FMR1NB: variants seen among roughly 807,000 people sequenced by gnomAD.
The protein encoded by FMR1NB is FMR1 neighbor protein.
Under a neutral mutation model 16.8 loss-of-function variants are expected in FMR1NB, and 10 were observed. The ratio of observed to expected loss-of-function variants is 0.60; its 90% CI spans 0.37 to 1.01. FMR1NB has a LOEUF of 1.01. Ranked by LOEUF, FMR1NB falls within the 50% of genes least tolerant of loss-of-function variation. The probability of loss-of-function intolerance (pLI) is 0.01; values close to 1 mark genes in which losing one functional copy is unlikely to be tolerated. For missense variants in FMR1NB, 205 were observed against 204.8 expected (o/e 1.00, Z 0.00); for synonymous variants, 83 against 79.1 (o/e 1.05, Z -0.26).
chrX:148,000,264 G>A (rs1312806604), intron 1 of FMR1NB, among the ~76,000 whole-genome samples: 2 of 111,706 alleles, frequency 1.8e-5, no homozygotes, highest in East Asian at 5.6e-4. Context: ...AAAAGATAAA[G>A]AACTACCCCT....
intron 1 of FMR1NB, among the ~76,000 whole-genome samples, chrX:147,985,489 C>A (rs782450780): frequency 9.1e-6 from 1 of 110,418 alleles, no homozygotes; most frequent in African/African-American, 3.3e-5. Context: ...CCTCGACAGG[C>A]CCTGGTGTGT....
chrX:147,991,157 C>T (rs782132986), intron 1 of FMR1NB, among the ~76,000 whole-genome samples: 4 of 111,229 alleles, frequency 3.6e-5, no homozygotes, highest in Non-Finnish European at 7.5e-5. Context: ...ACTTTTCTCA[C>T]CTCAGTCGTG....
At chrX:148,014,034 C>T (rs1275136069) in intron 4 of FMR1NB, among the ~76,000 whole-genome samples, 1 of 111,485 alleles carries the variant, frequency 9.0e-6, no homozygotes, top group Non-Finnish European at 1.9e-5. Context: ...TTAGTACCAG[C>T]CTTGAGTGCC....
intron 4 of FMR1NB, among the ~76,000 whole-genome samples, chrX:148,021,797 C>T (rs782475437): frequency 3.2e-4 from 27 of 85,442 alleles, no homozygotes; most frequent in South Asian, 4.1e-4. Flanking sequence ...GCTTTTTCTC[C>T]GCTTCATTTT....
intron 1 of FMR1NB, among the ~76,000 whole-genome samples, chrX:147,996,398 T>C (rs1398889880): frequency 3.6e-5 from 4 of 111,406 alleles, no homozygotes; most frequent in Non-Finnish European, 7.5e-5. Flanking sequence ...CCACCTAGTA[T>C]GTGGCAGAGT....
At chrX:147,995,316 A>G (rs1275463874) in intron 1 of FMR1NB, among the ~76,000 whole-genome samples, 3 of 112,490 alleles carry the variant, frequency 2.7e-5, no homozygotes, top group African/African-American at 9.7e-5. Flanking sequence ...TGGCAAAAGC[A>G]AAACATATGG....
rs201101798 is a variant in FMR1NB, at chrX:147,981,426, G to T, written c.24G>T (p.Ala8=). The T allele has an allele frequency of 8.3e-7, 1 of 1,210,945 alleles. No individual in the cohort carries two copies. Among genetic ancestry groups the T allele is most frequent in the Non-Finnish European group, 1.1e-6 (1 of 895,010 alleles). The part of the protein sequence containing the change: MSSHRRK[A]KGRNRRSHRA... The stretch of plus-strand genomic sequence containing the variant: ...CCATGTCTTCACATAGGAGGAAAGC[G>T]AAGGGGAGGAATAGGAGAAGTCACC... Residue 8 remains alanine, a synonymous_variant, in exon 1 of 6, where the codon GCG becomes GCT. Coordinates refer to ENST00000370467, the MANE Select transcript of FMR1NB (RefSeq NM_152578.3).
At position 148,024,874 on chromosome X, in the gene FMR1NB, C is replaced by T. The variant is rs782545721; in HGVS notation, c.642C>T (p.Ala214=). 1.7e-5 allele frequency: 21 copies of T among 1,208,065 alleles called. No individual in the cohort carries two copies. The highest frequency in any genetic ancestry group is 3.0e-5 in the East Asian group (1 of 33,803). Residue 214 remains alanine, a synonymous_variant, in exon 5 of 6, where the codon GCC becomes GCT. Transcript: ENST00000370467. The part of the protein sequence containing the change: ...CRSLFWRSEP[A]DDLQRQDNRV... ...ACTTTTTATGTTACAGCGAACCGGC[C>T]GATGATTTACAAAGGCAGGACAACA... is the stretch of plus-strand genomic sequence containing the variant.
chrX:148,022,661 A>G (rs1204411468), intron 4 of FMR1NB, among the ~76,000 whole-genome samples: 3 of 111,426 alleles, frequency 2.7e-5, no homozygotes, highest in Non-Finnish European at 5.7e-5. Context: ...TTCATTGCCT[A>G]TTAGGTAGAA....
chrX:148,007,050 A>G (rs1405170194), intron 3 of FMR1NB, among the ~76,000 whole-genome samples: 2 of 111,758 alleles, frequency 1.8e-5, no homozygotes, highest in Non-Finnish European at 3.8e-5. Context: ...TTGGTAATAC[A>G]AAAATTAGTC....
At position 147,981,762 on chromosome X, in the gene FMR1NB, C is replaced by T. The variant is rs782254799; in HGVS notation, c.277+83C>T. The stretch of plus-strand genomic sequence containing the variant: ...AGGGGGGCGGGGTGTGGCAACACAC[C>T]GGCACCAACCATAGGCCTTCCTGCC... On this transcript the variant is annotated intron_variant, in intron 1 of 5. Coordinates refer to ENST00000370467, the MANE Select transcript of FMR1NB (RefSeq NM_152578.3). 17 of 995,743 alleles carry T rather than the reference C, an allele frequency of 1.7e-5. No homozygotes were observed. The African/African-American group carries it at 1.9e-4, about 11-fold the overall frequency. 82.1% of individuals were successfully genotyped at this position (995,743 alleles called of 1,213,427 possible). A position where few individuals can be genotyped will look rare whatever the true frequency, so the allele number is the denominator to read the frequency against.
At chrX:147,994,070 A>G (rs1327641459) in intron 1 of FMR1NB, among the ~76,000 whole-genome samples, 1 of 111,482 alleles carries the variant, frequency 9.0e-6, no homozygotes, top group Non-Finnish European at 1.9e-5. Flanking sequence ...AACGTATTTT[A>G]TGTTCTCATC....
At chrX:148,016,123 C>T (rs1171466829) in intron 4 of FMR1NB, among the ~76,000 whole-genome samples, 1 of 96,907 alleles carries the variant, frequency 1.0e-5, no homozygotes, top group Non-Finnish European at 2.0e-5. Flanking sequence ...AGTATAGCTA[C>T]TCCTTCCCTT....
At position 148,008,788 on chromosome X, in the gene FMR1NB, A is replaced by G; in HGVS notation, c.632+77A>G. Reference sequence around the variant, plus strand: ...TGTGTATAGACATATTTATTAATACACTTCAGAAATACAGGGATTATGTTT... The same window carrying G: ...TGTGTATAGACATATTTATTAATACGCTTCAGAAATACAGGGATTATGTTT... On this transcript the variant is annotated intron_variant, in intron 4 of 5. Transcript: ENST00000370467. 7.9e-6 allele frequency: 7 copies of G among 883,999 alleles called. No homozygotes were observed. The South Asian group carries it at 1.7e-4, about 21-fold the overall frequency. The allele number at this position is 883,999 out of a possible 1,213,427, so 72.9% of individuals were successfully genotyped here. A position where few individuals can be genotyped will look rare whatever the true frequency, so the allele number is the denominator to read the frequency against.
chrX:148,022,057 G>A (rs1239268818), intron 4 of FMR1NB, among the ~76,000 whole-genome samples: 2 of 110,961 alleles, frequency 1.8e-5, no homozygotes, highest in Non-Finnish European at 3.8e-5. Context: ...TCCCACAACT[G>A]TGTGGATCTG....
chrX:147,994,844 T>TA (rs1305002823), intron 1 of FMR1NB, among the ~76,000 whole-genome samples: 3 of 112,492 alleles, frequency 2.7e-5, no homozygotes, highest in African/African-American at 9.7e-5. Flanking sequence ...AATTTGCATT[T>TA]AAAATTATTT....
At chrX:148,020,554 T>A (rs1470672867) in intron 4 of FMR1NB, among the ~76,000 whole-genome samples, 2 of 111,932 alleles carry the variant, frequency 1.8e-5, no homozygotes, top group Admixed American at 1.9e-4. Context: ...GCTCACAGCA[T>A]AACCTAGGTA....
At chrX:148,005,815 G>A (rs2044593204) in intron 2 of FMR1NB, among the ~76,000 whole-genome samples, 1 of 111,938 alleles carries the variant, frequency 8.9e-6, no homozygotes, top group South Asian at 3.7e-4. Flanking sequence ...AAAATATACT[G>A]AGGTTAAAAT....
chrX:148,025,869 A>G (rs1250325286), intron 5 of FMR1NB: 1 of 112,277 alleles, frequency 8.9e-6, no homozygotes, highest in Non-Finnish European at 1.9e-5. Context: ...ATTCCGTGTC[A>G]GGAGACTCTG....
Sources: allele counts gnomAD v4.1 joint callset (sites outside exome capture counted in the v4.1 genomes callset), GRCh38; gene constraint gnomAD v4.1.1; transcripts MANE v1.5; gene names NCBI Gene and HGNC (gene_info 2026-07-23, HGNC 2026-07-21).